VWA3A: variants seen among roughly 807,000 people sequenced by gnomAD.
VWA3A encodes the protein von Willebrand factor A domain-containing protein 3A.
Under a neutral mutation model 160.4 loss-of-function variants are expected in VWA3A, and 134 were observed. The observed-to-expected ratio is 0.84, with a 90% CI of 0.73 to 0.96. The LOEUF (loss-of-function observed/expected upper bound fraction) is 0.96. VWA3A is among the 40% of genes least tolerant of loss of function. The pLI is 0.00. For missense variants in VWA3A, 1,310 were observed against 1,447.9 expected (o/e 0.90, Z 1.55); for synonymous variants, 476 against 543.4 (o/e 0.88, Z 1.72).
In VWA3A at chr16:22,140,169, C is replaced by A. The variant is rs1331233267; in HGVS notation, c.2308C>A (p.Pro770Thr). 6.2e-7 allele frequency: 1 copy of A among 1,613,364 alleles called. No homozygotes were observed. Among genetic ancestry groups the A allele is most frequent in the Non-Finnish European group, 8.5e-7 (1 of 1,179,702 alleles). Residue 770 changes from proline (P) to threonine (T), a missense_variant, in exon 23 of 34, where the codon CCT (proline) becomes ACT (threonine). Coordinates refer to ENST00000389398, the MANE Select transcript of VWA3A (RefSeq NM_173615.5). ...LGARMSIKDD[P>T]DREKSPPLKS... ...TGTTTTCTAGAGCATTAAAGATGAC[C>A]CTGACAGAGAGAAGAGCCCCCCGCT...
intron 1 of VWA3A, among the ~76,000 whole-genome samples, chr16:22,094,960 T>C (rs1436255755): frequency 8.1e-5 from 10 of 123,500 alleles, no homozygotes; most frequent in Middle Eastern, 4.7e-3. Flanking sequence ...AGAGCAAGAC[T>C]CCGTCTCAAA....
At position 22,132,195 on chromosome 16, in the gene VWA3A, C is replaced by T. The variant is rs777032404; in HGVS notation, c.1872+466C>T. On this transcript the variant is annotated intron_variant, in intron 19 of 33. Coordinates refer to ENST00000389398, the MANE Select transcript of VWA3A (RefSeq NM_173615.5). Reference sequence around the variant, plus strand: ...GGTCGGGAGTTTGAGGCCACCTTGACCAACATGGAGAAACTCCATCTCTAC... The same window carrying T: ...GGTCGGGAGTTTGAGGCCACCTTGATCAACATGGAGAAACTCCATCTCTAC... Among the ~76,000 whole-genome samples, 12 of 152,016 alleles carry T rather than the reference C, an allele frequency of 7.9e-5. 1 individual carries two copies. The Middle Eastern group carries it at 0.01, about 129-fold the overall frequency.
At chr16:22,120,922 G>T in intron 12 of VWA3A, 46 bp from the exon 13 acceptor site, 1 of 1,609,038 alleles carries the variant, frequency 6.2e-7, no homozygotes, top group Non-Finnish European at 8.5e-7. Flanking sequence ...GGACTTTTCA[G>T]CTCTAAAATA....
In VWA3A at chr16:22,148,200, G is replaced by A; in HGVS notation, c.2878G>A (p.Val960Ile). 6.2e-6 allele frequency: 10 copies of A among 1,603,892 alleles called. No individual in the cohort carries two copies. Among genetic ancestry groups the A allele is most frequent in the Non-Finnish European group, 7.7e-6 (9 of 1,175,466 alleles). ...RLFGTVLESK[V>I]CILLDTSGSM... ...GTTTGGCACCGTTTTGGAGAGCAAAGTATGCATATTGCTGGACACGTCAGG... is the reference window on the plus strand; with the variant it reads ...GTTTGGCACCGTTTTGGAGAGCAAAATATGCATATTGCTGGACACGTCAGG... Residue 960 changes from valine (V) to isoleucine (I), a missense_variant, in exon 28 of 34, where the codon GTA becomes ATA. By Grantham distance (29) the Val-to-Ile change is conservative (BLOSUM62 3). Transcript: ENST00000389398.
chr16:22,092,859 A>G (rs1217421906), intron 1 of VWA3A, among the ~76,000 whole-genome samples: 1 of 152,130 alleles, frequency 6.6e-6, no homozygotes, highest in Non-Finnish European at 1.5e-5. Context: ...TGACAACTCC[A>G]TATGACCAAG....
chr16:22,150,900 T>A, intron 30 of VWA3A, 54 bp downstream of exon 30: 1 of 1,553,236 alleles, frequency 6.4e-7, no homozygotes, highest in Non-Finnish European at 8.7e-7. Context: ...GCCACACATC[T>A]CAGCAGGGAG....
In VWA3A at chr16:22,100,417, GA is replaced by G. The variant is rs1567526449; in HGVS notation, c.353del (p.Glu118GlyfsTer58). 6.4e-7 allele frequency: 1 copy of G among 1,551,670 alleles called. No individual in the cohort carries two copies. Among genetic ancestry groups the G allele is most frequent in the Admixed American group, 2.0e-5 (1 of 50,996 alleles). On this transcript the variant is annotated frameshift_variant and splice_region_variant, in exon 5 of 34. Transcript: ENST00000389398. LOFTEE classifies it high-confidence loss of function. The stretch of plus-strand genomic sequence containing the variant: ...CCTCATAAGGCTTTGCTTCTTCAGG[GA>G]GGAGGGCACCAATGTCGTGCAGAAA... ...DLISQGTEVL[E>X]EGTNVVQKIC...
chr16:22,150,012 A>G (rs1277666959), intron 29 of VWA3A, 81 bp downstream of exon 29: 5 of 1,478,320 alleles, frequency 3.4e-6, no homozygotes, highest in Non-Finnish European at 4.5e-6. Flanking sequence ...ATGCTTTAGG[A>G]TTTACAAAGG....
At chr16:22,115,901 G>T (rs2045627650) in intron 9 of VWA3A, among the ~76,000 whole-genome samples, 1 of 35,086 alleles carries the variant, frequency 2.9e-5, no homozygotes, top group Non-Finnish European at 4.2e-5. Flanking sequence ...AAGGAAGGAA[G>T]GAAGGAAGGA....
Position 22,149,383 on chromosome 16 carries a change from C to T in VWA3A, c.2985-404C>T, listed in dbSNP as rs140253141. Among the ~76,000 whole-genome samples, 940 of 152,172 alleles carry T rather than the reference C, an allele frequency of 6.2e-3. 7 individuals carry two copies. Among genetic ancestry groups the T allele is most frequent in the Non-Finnish European group, 9.6e-3 (654 of 67,986 alleles). On this transcript the variant is annotated intron_variant, in intron 28 of 33. Transcript: ENST00000389398. Reference sequence around the variant, plus strand: ...CCTCCCAAGTAGCTTGGACTACAGGCGCACACCACCATGCCTGGCTAATTT... The same window carrying T: ...CCTCCCAAGTAGCTTGGACTACAGGTGCACACCACCATGCCTGGCTAATTT...
Position 22,144,242 on chromosome 16 carries a change from T to C in VWA3A, c.2593-5T>C. ...AAGATAATAGTTCTTTCCTTTATTC[T>C]AAAGTGGGTGGCAAAATATGGGCTC... On this transcript the variant is annotated splice_region_variant and splice_polypyrimidine_tract_variant and intron_variant, in intron 25 of 33. Coordinates refer to ENST00000389398, the MANE Select transcript of VWA3A (RefSeq NM_173615.5). The C allele has an allele frequency of 6.2e-7, 1 of 1,609,892 alleles. No individual in the cohort carries two copies. Among genetic ancestry groups the C allele is most frequent in the Non-Finnish European group, 8.5e-7 (1 of 1,178,286 alleles).
chr16:22,132,539 C>A (rs534174583), intron 19 of VWA3A, among the ~76,000 whole-genome samples: 1 of 152,104 alleles, frequency 6.6e-6, no homozygotes, highest in African/African-American at 2.4e-5. Context: ...CAGAGCGAGA[C>A]CCTGTCTCTT....
In VWA3A at chr16:22,098,802, C is replaced by T. The variant is rs567177761; in HGVS notation, c.225+1107C>T. 1.3e-3 allele frequency among the ~76,000 whole-genome samples: 195 copies of T among 150,048 alleles called. 2 individuals carry two copies. Among genetic ancestry groups the T allele is most frequent in the Non-Finnish European group, 1.3e-3 (86 of 67,844 alleles). On this transcript the variant is annotated intron_variant, in intron 3 of 33. Coordinates refer to ENST00000389398, the MANE Select transcript of VWA3A (RefSeq NM_173615.5). ...TTAAGTCCACCATGCTCACCAGGCA[C>T]GGTCGTTCACATCTGTAATCTCAGC... is the stretch of plus-strand genomic sequence containing the variant.
chr16:22,130,297 AG>A (rs2045925816), intron 17 of VWA3A, among the ~76,000 whole-genome samples: 1 of 152,112 alleles, frequency 6.6e-6, no homozygotes, highest in South Asian at 2.1e-4. Flanking sequence ...AAAAGAGCGA[AG>A]TCACTCATAG....
At chr16:22,103,954 A>AAAAAT (rs1438866434) in intron 6 of VWA3A, among the ~76,000 whole-genome samples, 1 of 152,172 alleles carries the variant, frequency 6.6e-6, no homozygotes, top group Non-Finnish European at 1.5e-5. Flanking sequence ...CTTCTGGGGC[A>AAAAAT]AAAATAAAAT....
At chr16:22,096,817 T>G in intron 1 of VWA3A, 42 bp from the exon 2 acceptor site, 1 of 1,272,106 alleles carries the variant, frequency 7.9e-7, no homozygotes, top group South Asian at 1.3e-5. Flanking sequence ...ATTGTCTGTA[T>G]GCCACATTTA....
chr16:22,151,040 G>A (rs1328964830), intron 30 of VWA3A, among the ~76,000 whole-genome samples, 194 bp downstream of exon 30: 1 of 152,196 alleles, frequency 6.6e-6, no homozygotes, highest in Non-Finnish European at 1.5e-5. Flanking sequence ...AGCATTTTGG[G>A]AGGTTGAGGC....
In VWA3A at chr16:22,138,491, C is replaced by T. The variant is rs1382351980; in HGVS notation, c.2271C>T (p.Thr757=). The T allele has an allele frequency of 5.6e-6, 9 of 1,613,954 alleles. No individual in the cohort carries two copies. The highest frequency in any genetic ancestry group is 1.3e-5 in the African/African-American group (1 of 75,054). Residue 757 remains threonine (T), a synonymous_variant, in exon 22 of 34, where the codon ACC becomes ACT. Coordinates refer to ENST00000389398, the MANE Select transcript of VWA3A (RefSeq NM_173615.5). ...AGAAGCTCTGCCCTCCCAGGCCCAC[C>T]GTCCCCCTGGGGGCCAGAATGGTTT... The part of the protein sequence containing the change: ...QPKKLCPPRP[T]VPLGARMSIK...
In VWA3A at chr16:22,109,509, G is replaced by C. The variant is rs1311878523; in HGVS notation, c.511G>C (p.Val171Leu). ...KAFGLIKGAR[V>L]SILIDVSAIS... is the part of the protein sequence containing the mutation. Reference sequence around the variant, plus strand: ...ATTTGGCCTCATCAAAGGGGCCAGAGTCAGCATCCTCATAGATGTGTCAGC... The same window carrying C: ...ATTTGGCCTCATCAAAGGGGCCAGACTCAGCATCCTCATAGATGTGTCAGC... The change falls in exon 7 of 34, where the codon GTC (valine) becomes CTC (leucine). Residue 171 changes from valine to leucine, a missense_variant. Transcript: ENST00000389398. The C allele has an allele frequency of 1.2e-6, 2 of 1,611,118 alleles. No individual in the cohort carries two copies. Among genetic ancestry groups the C allele is most frequent in the Middle Eastern group, 1.7e-4 (1 of 6,048 alleles).
Sources: allele counts gnomAD v4.1 joint callset (sites outside exome capture counted in the v4.1 genomes callset), GRCh38; gene constraint gnomAD v4.1.1; transcripts MANE v1.5; gene names NCBI Gene and HGNC (gene_info 2026-07-23, HGNC 2026-07-21).